The following MAF variants were observed in gnomAD, a reference collection of about 807,000 sequenced individuals.
The protein encoded by MAF is MAF bZIP transcription factor, also known as transcription factor Maf.
In MAF, 10 loss-of-function variants were observed where a neutral mutation model predicts 22.0. That is an observed-to-expected ratio of 0.45 (90% CI 0.28 to 0.77). The LOEUF is 0.77. Among genes scored for constraint, MAF ranks in the 30% least tolerant of loss-of-function variants. The pLI is 0.12. For missense variants in MAF, 544 were observed against 548.4 expected, an observed-to-expected ratio of 0.99 and a Z score of 0.08; for synonymous variants, 337 against 255.8, an observed-to-expected ratio of 1.32 and a Z score of -3.03.
the MAF span, among the ~76,000 whole-genome samples, chr16:79,324,423 A>G: frequency 6.6e-6 from 1 of 152,108 alleles, no homozygotes; most frequent in Non-Finnish European, 1.5e-5. Context: ...TTATATTCGG[A>G]TTCTGCAGGG....
At chr16:79,476,339 T>C in the MAF span, among the ~76,000 whole-genome samples, 5 of 152,308 alleles carry the variant, frequency 3.3e-5, no homozygotes, top group Non-Finnish European at 5.9e-5. Flanking sequence ...GATAATATAC[T>C]GTGAGATAAA....
intron 1 of MAF, 161 bp downstream of exon 1, chr16:79,598,624 G>A (rs1450455449): frequency 1.3e-6 from 2 of 1,512,442 alleles, no homozygotes; most frequent in African/African-American, 1.4e-5. Context: ...TGTGCGTGCG[G>A]GTTTGTGTGT....
the MAF span, among the ~76,000 whole-genome samples, chr16:79,254,668 T>C: frequency 6.6e-6 from 1 of 152,174 alleles, no homozygotes; most frequent in African/African-American, 2.4e-5. Flanking sequence ...TGGTCTGGGA[T>C]CTCGGTTCCT....
At chr16:79,497,034 A>G in the MAF span, among the ~76,000 whole-genome samples, 4 of 152,316 alleles carry the variant, frequency 2.6e-5, no homozygotes, top group African/African-American at 9.6e-5. Context: ...CTGAATAATA[A>G]TAATAATAAA....
chr16:79,214,997 A>G, the MAF span, among the ~76,000 whole-genome samples: 2 of 152,076 alleles, frequency 1.3e-5, no homozygotes, highest in African/African-American at 4.8e-5. Flanking sequence ...GGTGTGAGCT[A>G]CCATGCTTGG....
chr16:79,430,199 C>T, the MAF span, among the ~76,000 whole-genome samples: 44 of 152,320 alleles, frequency 2.9e-4, no homozygotes, highest in East Asian at 5.8e-4. Flanking sequence ...AGAAAGGTAG[C>T]GCTTTGTTTA....
the MAF span, among the ~76,000 whole-genome samples, chr16:79,574,795 C>T: frequency 0.49 from 74,301 of 151,924 alleles, 19,081 homozygotes; most frequent in Non-Finnish European, 0.57. Context: ...GCATTGATGT[C>T]AATGAAGAAC....
At chr16:79,458,343 T>C in the MAF span, among the ~76,000 whole-genome samples, 1 of 152,124 alleles carries the variant, frequency 6.6e-6, no homozygotes, top group Non-Finnish European at 1.5e-5. Context: ...CAAGTGGATT[T>C]TTCAGTCACT....
the MAF span, among the ~76,000 whole-genome samples, chr16:79,477,895 T>C: frequency 1.3e-5 from 2 of 151,976 alleles, no homozygotes; most frequent in African/African-American, 4.8e-5. Context: ...AGCTAATTTT[T>C]GTATTTTTAG....
the MAF span, among the ~76,000 whole-genome samples, chr16:79,343,049 C>T: frequency 2.6e-5 from 4 of 152,208 alleles, no homozygotes; most frequent in Non-Finnish European, 5.9e-5. Flanking sequence ...ATAGTCACCT[C>T]AGCTAGCTGG....
chr16:79,435,803 TC>T, the MAF span, among the ~76,000 whole-genome samples: 5 of 152,192 alleles, frequency 3.3e-5, no homozygotes, highest in African/African-American at 1.2e-4. Flanking sequence ...ATTCCATACT[TC>T]GTAGCTAAAA....
At chr16:79,372,468 G>A in the MAF span, among the ~76,000 whole-genome samples, 223 of 152,294 alleles carry the variant, frequency 1.5e-3, 2 homozygotes, top group African/African-American at 5.2e-3. Flanking sequence ...TTAAAAGCAT[G>A]TTAAAATATT....
the MAF span, among the ~76,000 whole-genome samples, chr16:79,567,618 G>A: frequency 1.3e-5 from 2 of 152,246 alleles, no homozygotes; most frequent in East Asian, 3.9e-4. Flanking sequence ...AATAAAGTGA[G>A]GGCTTCAGAA....
the MAF span, among the ~76,000 whole-genome samples, chr16:79,580,747 G>A: frequency 6.6e-6 from 1 of 151,868 alleles, no homozygotes; most frequent in South Asian, 2.1e-4. Context: ...TAAAGCTCAT[G>A]TAGCCTGTGC....
chr16:79,435,051 T>A, the MAF span, among the ~76,000 whole-genome samples: 4 of 152,170 alleles, frequency 2.6e-5, no homozygotes, highest in Admixed American at 1.3e-4. Context: ...GCGAAGTGAG[T>A]TGACACATCC....
At chr16:79,220,785 G>A in the MAF span, among the ~76,000 whole-genome samples, 1 of 152,192 alleles carries the variant, frequency 6.6e-6, no homozygotes, top group Non-Finnish European at 1.5e-5. Context: ...CTACACAGAT[G>A]GCTTTTATCT....
chr16:79,407,284 G>T, the MAF span, among the ~76,000 whole-genome samples: 1 of 152,148 alleles, frequency 6.6e-6, no homozygotes, highest in Non-Finnish European at 1.5e-5. Context: ...GGGCCTCTTG[G>T]CTAGCTCTGT....
At chr16:79,274,299 T>C in the MAF span, among the ~76,000 whole-genome samples, 1 of 151,816 alleles carries the variant, frequency 6.6e-6, no homozygotes, top group African/African-American at 2.4e-5. Flanking sequence ...ACAATAAAGC[T>C]GTGGCTTTAT....
the MAF span, among the ~76,000 whole-genome samples, chr16:79,290,556 G>A: frequency 1.3e-5 from 2 of 151,872 alleles, no homozygotes; most frequent in African/African-American, 4.8e-5. Flanking sequence ...TAACCATGCT[G>A]CGACGTGTGT....
Sources: gnomAD v4.1 joint callset for allele counts (sites outside exome capture counted in the v4.1 genomes callset) on GRCh38, gnomAD v4.1.1 for gene constraint, MANE v1.5 for transcripts, NCBI Gene and HGNC (gene_info 2026-07-23, HGNC 2026-07-21) for gene names.